NXPH1: variants seen among roughly 807,000 people sequenced by gnomAD.
The protein encoded by NXPH1 is neurexophilin-1.
In NXPH1, 5 loss-of-function variants were observed where a neutral mutation model predicts 23.7. The ratio of observed to expected loss-of-function variants is 0.21; its 90% CI spans 0.11 to 0.44. The LOEUF (loss-of-function observed/expected upper bound fraction) is 0.44. NXPH1 is among the 20% of genes least tolerant of loss of function. The pLI, the probability that NXPH1 is intolerant of heterozygous loss-of-function variation, is 0.99. For missense variants in NXPH1, 324 were observed against 321.6 expected (o/e 1.01, Z -0.06); for synonymous variants, 144 against 122.2 (o/e 1.18, Z -1.18).
intron 2 of NXPH1, among the ~76,000 whole-genome samples, chr7:8,647,926 T>A (rs1359091547): frequency 6.6e-6 from 1 of 152,192 alleles, no homozygotes; most frequent in Non-Finnish European, 1.5e-5. Flanking sequence ...TTGATGTAGT[T>A]CTTATAATGT....
At chr7:8,682,019 G>A (rs193154160) in intron 2 of NXPH1, among the ~76,000 whole-genome samples, 1 of 152,278 alleles carries the variant, frequency 6.6e-6, no homozygotes, top group Non-Finnish European at 1.5e-5. Flanking sequence ...AAAAACAGGA[G>A]GAGGAAGAGA....
In NXPH1 at chr7:8,577,459, C is replaced by T. The variant is rs185182232; in HGVS notation, c.54+141692C>T. 9.9e-4 allele frequency among the ~76,000 whole-genome samples: 151 copies of T among 152,198 alleles called. 1 individual carries two copies. Among genetic ancestry groups the T allele is most frequent in the African/African-American group, 3.4e-3 (142 of 41,514 alleles). ...TAGTTTCATTACTTGCTTCAGTATT[C>T]CTTGTTTTTGTTTGTTTGTTTGTTT... On this transcript the variant is annotated intron_variant, in intron 2 of 2. Coordinates refer to ENST00000405863, the MANE Select transcript of NXPH1 (RefSeq NM_152745.3).
At chr7:8,691,807 G>A (rs1821225814) in intron 2 of NXPH1, among the ~76,000 whole-genome samples, 2 of 152,152 alleles carry the variant, frequency 1.3e-5, no homozygotes, top group Non-Finnish European at 2.9e-5. Context: ...GGGAAGACAA[G>A]CAATGAACAA....
intron 2 of NXPH1, among the ~76,000 whole-genome samples, chr7:8,517,338 A>G (rs1817702066): frequency 6.6e-6 from 1 of 152,136 alleles, no homozygotes; most frequent in African/African-American, 2.4e-5. Flanking sequence ...AGTGAGGAGA[A>G]GAGGATTGTA....
At chr7:8,530,134 A>G (rs1168267716) in intron 2 of NXPH1, among the ~76,000 whole-genome samples, 1 of 152,120 alleles carries the variant, frequency 6.6e-6, no homozygotes, top group African/African-American at 2.4e-5. Context: ...AGAAAAACCA[A>G]TCATCATGAA....
At chr7:8,448,814 C>T (rs62446657) in intron 2 of NXPH1, among the ~76,000 whole-genome samples, 2 of 89,332 alleles carry the variant, frequency 2.2e-5, no homozygotes, top group African/African-American at 6.6e-5. Flanking sequence ...GACTTCGTCT[C>T]GGGGAAAAAA....
chr7:8,561,361 C>CACACACAT (rs1381747672), intron 2 of NXPH1, among the ~76,000 whole-genome samples: 1 of 150,064 alleles, frequency 6.7e-6, no homozygotes, highest in Non-Finnish European at 1.5e-5. Context: ...GACACACACA[C>CACACACAT]ACACACACAC....
intron 2 of NXPH1, among the ~76,000 whole-genome samples, chr7:8,437,028 A>T (rs975971492): frequency 1.3e-5 from 2 of 152,176 alleles, no homozygotes; most frequent in African/African-American, 4.8e-5. Flanking sequence ...AAGAACCCTC[A>T]ATGTTGCCTG....
intron 2 of NXPH1, among the ~76,000 whole-genome samples, chr7:8,734,259 C>T (rs1780207314): frequency 6.6e-6 from 1 of 152,140 alleles, no homozygotes; most frequent in Admixed American, 6.5e-5. Context: ...CACTACCATG[C>T]TGTTTTGGAT....
At chr7:8,621,309 C>T (rs1431828716) in intron 2 of NXPH1, among the ~76,000 whole-genome samples, 2 of 151,996 alleles carry the variant, frequency 1.3e-5, no homozygotes, top group Non-Finnish European at 2.9e-5. Context: ...CAGACAAAGA[C>T]TCAGACAGGA....
At chr7:8,679,196 C>T (rs1421406397) in intron 2 of NXPH1, among the ~76,000 whole-genome samples, 1 of 152,114 alleles carries the variant, frequency 6.6e-6, no homozygotes, top group Non-Finnish European at 1.5e-5. Context: ...ATCCGCCCAC[C>T]TCGGCCTCCC....
chr7:8,744,856 C>A (rs556297978), intron 2 of NXPH1, among the ~76,000 whole-genome samples: 1 of 152,148 alleles, frequency 6.6e-6, no homozygotes. Flanking sequence ...TCATTTCTTC[C>A]TCTTTTTCTC....
chr7:8,581,767 C>T (rs955321218), intron 2 of NXPH1, among the ~76,000 whole-genome samples: 3 of 152,056 alleles, frequency 2.0e-5, no homozygotes, highest in African/African-American at 2.4e-5. Flanking sequence ...GACAAAGTAG[C>T]GATATTCAGC....
At chr7:8,440,700 T>C (rs1365797139) in intron 2 of NXPH1, among the ~76,000 whole-genome samples, 1 of 151,994 alleles carries the variant, frequency 6.6e-6, no homozygotes, top group African/African-American at 2.4e-5. Context: ...CGAAAGCATT[T>C]GGATATTGCT....
chr7:8,662,767 T>G (rs1820697903), intron 2 of NXPH1, among the ~76,000 whole-genome samples: 1 of 152,070 alleles, frequency 6.6e-6, no homozygotes, highest in South Asian at 2.1e-4. Flanking sequence ...TTAAATCTAT[T>G]CAATGTTGCA....
At chr7:8,509,320 T>A (rs1817577383) in intron 2 of NXPH1, among the ~76,000 whole-genome samples, 1 of 152,148 alleles carries the variant, frequency 6.6e-6, no homozygotes, top group South Asian at 2.1e-4. Flanking sequence ...GTAGCTTATT[T>A]CCACATTAAT....
intron 2 of NXPH1, among the ~76,000 whole-genome samples, chr7:8,716,921 C>T (rs1381542238): frequency 6.6e-6 from 1 of 152,190 alleles, no homozygotes; most frequent in Non-Finnish European, 1.5e-5. Flanking sequence ...CTCCCTAATG[C>T]ACAGTATCTA....
At chr7:8,672,766 T>G (rs148346480) in intron 2 of NXPH1, among the ~76,000 whole-genome samples, 1 of 152,310 alleles carries the variant, frequency 6.6e-6, no homozygotes, top group East Asian at 1.9e-4. Flanking sequence ...TCCGTCCTCC[T>G]TTTCCAACTT....
At chr7:8,709,433 T>C (rs1238504732) in intron 2 of NXPH1, among the ~76,000 whole-genome samples, 1 of 152,210 alleles carries the variant, frequency 6.6e-6, no homozygotes, top group Non-Finnish European at 1.5e-5. Context: ...ATTTGTTATA[T>C]AACTTGAGCA....
Sources: gnomAD v4.1 joint callset for allele counts (sites outside exome capture counted in the v4.1 genomes callset) on GRCh38, gnomAD v4.1.1 for gene constraint, MANE v1.5 for transcripts, NCBI Gene and HGNC (gene_info 2026-07-23, HGNC 2026-07-21) for gene names.